The following ZNF831 variants were observed in gnomAD, a reference collection of about 807,000 sequenced individuals.
ZNF831 encodes chromosome 20 open reading frame 174.
ZNF831 carries 59 observed loss-of-function variants against 95.8 expected under a neutral mutation model. The ratio of observed to expected loss-of-function variants is 0.62; its 90% CI spans 0.50 to 0.77. The LOEUF is 0.77. Ranked by LOEUF, ZNF831 falls within the 30% of genes least tolerant of loss-of-function variation. The probability of loss-of-function intolerance (pLI) is 0.00; values close to 1 mark genes in which losing one functional copy is unlikely to be tolerated. For missense variants in ZNF831, 2,205 were observed against 2,164.0 expected, an observed-to-expected ratio of 1.02 and a Z score of -0.38; for synonymous variants, 961 against 925.5, an observed-to-expected ratio of 1.04 and a Z score of -0.70.
chr20:59,252,849 C>A, intron 4 of ZNF831, 129 bp from the exon 5 acceptor site: 1 of 929,622 alleles, frequency 1.1e-6, no homozygotes, highest in Non-Finnish European at 1.5e-6. Flanking sequence ...TGAGTTCTTG[C>A]ACACACCCTG....
At position 59,191,437 on chromosome 20, in the gene ZNF831, A is replaced by C. The variant is rs1015835013; in HGVS notation, c.418A>C (p.Asn140His). 5.0e-6 allele frequency: 8 copies of C among 1,612,822 alleles called. No individual in the cohort carries two copies. Among genetic ancestry groups the C allele is most frequent in the Middle Eastern group, 1.7e-4 (1 of 6,058 alleles). ...GCTGGGCAGCCCAGGCAAGGTGCGGAATGCGGGCAAGTACCTGTGTCCGCA... is the reference window on the plus strand; with the variant it reads ...GCTGGGCAGCCCAGGCAAGGTGCGGCATGCGGGCAAGTACCTGTGTCCGCA... ...PTLGSPGKVR[N>H]AGKYLCPHCG... The change falls in exon 2 of 6, where the codon AAT (asparagine) becomes CAT (histidine). Residue 140 changes from asparagine to histidine, a missense_variant. By Grantham distance (68) the Asn-to-His change is moderately conservative (BLOSUM62 1). Transcript: ENST00000371030.
intron 4 of ZNF831, among the ~76,000 whole-genome samples, chr20:59,244,180 G>GAAA (rs11416993): frequency 1.3e-5 from 2 of 151,364 alleles, no homozygotes; most frequent in Non-Finnish European, 2.9e-5. Flanking sequence ...TGGTTTCTGG[G>GAAA]AAAAAAAACA....
Position 59,142,728 on chromosome 20 carries a change from A to G in ZNF831, c.-1424-3503A>G, listed in dbSNP as rs112587346. 4.3e-4 allele frequency among the ~76,000 whole-genome samples: 66 copies of G among 152,260 alleles called. 1 individual carries two copies. The highest frequency in any genetic ancestry group is 1.6e-3 in the African/African-American group (65 of 41,552). On this transcript the variant is annotated intron_variant, in intron 1 of 7. Transcript: ENST00000637017. ...AATTTCATAGTGCTTTTCTGTTTTC[A>G]TTATGGTTTTTGACAGTAATTTGCC...
At chr20:59,187,103 A>C (rs1983111304) in intron 1 of ZNF831, among the ~76,000 whole-genome samples, 1 of 152,158 alleles carries the variant, frequency 6.6e-6, no homozygotes, top group Non-Finnish European at 1.5e-5. Flanking sequence ...TTCCCACCAC[A>C]CCAGCACATC....
At chr20:59,225,990 G>T (rs1360466186) in intron 4 of ZNF831, among the ~76,000 whole-genome samples, 1 of 152,162 alleles carries the variant, frequency 6.6e-6, no homozygotes, top group Non-Finnish European at 1.5e-5. Context: ...GTTCCTTTGG[G>T]TTGCCTTCAT....
intron 4 of ZNF831, among the ~76,000 whole-genome samples, chr20:59,218,595 G>GT (rs200006323): frequency 0.057 from 8,322 of 145,046 alleles, 748 homozygotes; most frequent in African/African-American, 0.19. Flanking sequence ...TAGCGTGACT[G>GT]TTTTTTTTTT....
chr20:59,187,564 A>T, intron 1 of ZNF831, among the ~76,000 whole-genome samples: 1 of 152,202 alleles, frequency 6.6e-6, no homozygotes, highest in South Asian at 2.1e-4. Context: ...AAGTACTTTT[A>T]AAAAATTGAG....
chr20:59,191,833 G>C lies in ZNF831; in HGVS notation c.814G>C (p.Ala272Pro), dbSNP rs2146554724. The stretch of plus-strand genomic sequence containing the variant: ...CGAAGCTGCTCCCTGTCCAGGGTCC[G>C]CATTTGCCGACAGAGAGGCTCCTTG... ...RTEAAPCPGSAFADREAPWDS... is the reference protein window; with the variant it reads ...RTEAAPCPGSPFADREAPWDS... Residue 272 changes from alanine (A) to proline (P), a missense_variant, in exon 2 of 6, where the codon GCA (alanine) becomes CCA (proline). Ala to Pro is a conservative substitution (Grantham distance 27). Coordinates refer to ENST00000371030, the MANE Select transcript of ZNF831 (RefSeq NM_178457.3). 6.2e-7 allele frequency: 1 copy of C among 1,613,446 alleles called. No individual in the cohort carries two copies. Among genetic ancestry groups the C allele is most frequent in the Non-Finnish European group, 8.5e-7 (1 of 1,179,970 alleles).
chr20:59,194,083 T>G lies in ZNF831; in HGVS notation c.3064T>G (p.Leu1022Val), dbSNP rs746955063. 1 of 1,540,046 alleles carries G rather than the reference T, an allele frequency of 6.5e-7. No homozygotes were observed. The highest frequency in any genetic ancestry group is 8.7e-7 in the Non-Finnish European group (1 of 1,143,538). The change falls in exon 2 of 6, where the codon TTG becomes GTG. Residue 1022 changes from leucine to valine, a missense_variant. Transcript: ENST00000371030. ...ACAGGATGGGAGAAAAGGGGCACAG[T>G]TGGGGGGGGACAAGGGGGACAGGAT... ...RPQDGRKGAQ[L>V]GGDKGDRMAT...
chr20:59,214,081 C>T (rs899640080), intron 4 of ZNF831, among the ~76,000 whole-genome samples: 12 of 152,130 alleles, frequency 7.9e-5, no homozygotes, highest in African/African-American at 2.9e-4. Flanking sequence ...AATTCTCGTG[C>T]ACAATATGCG....
intron 2 of ZNF831, among the ~76,000 whole-genome samples, chr20:59,155,834 A>G (rs1568729275): frequency 1.3e-5 from 2 of 152,266 alleles, no homozygotes; most frequent in East Asian, 1.9e-4. Flanking sequence ...CTCTGGGAAG[A>G]CTTCATCTTC....
chr20:59,216,946 T>TA (rs11309699), intron 4 of ZNF831, among the ~76,000 whole-genome samples: 3,152 of 145,684 alleles, frequency 0.022, 52 homozygotes, highest in Non-Finnish European at 0.026. Context: ...CTTTTGTTCT[T>TA]AAAAAAAAAA....
At position 59,251,122 on chromosome 20, in the gene ZNF831, C is replaced by A. The variant is rs371320325; in HGVS notation, c.4028-1856C>A. Among the ~76,000 whole-genome samples the A allele has an allele frequency of 2.0e-5, 3 of 152,044 alleles. No homozygotes were observed. The East Asian group carries it at 5.8e-4, about 29-fold the overall frequency. On this transcript the variant is annotated intron_variant, in intron 4 of 5. Transcript: ENST00000371030. Reference sequence around the variant, plus strand: ...GTTATTAATAATCTAATTTAGCCAACCTACAATGTGTGTATATTTCAAAAC... The same window carrying A: ...GTTATTAATAATCTAATTTAGCCAAACTACAATGTGTGTATATTTCAAAAC...
intron 4 of ZNF831, among the ~76,000 whole-genome samples, chr20:59,214,401 C>A (rs1163295688): frequency 6.6e-6 from 1 of 152,166 alleles, no homozygotes; most frequent in Non-Finnish European, 1.5e-5. Flanking sequence ...GACTGTGCTG[C>A]CGTTTCATTT....
intron 1 of ZNF831, among the ~76,000 whole-genome samples, chr20:59,127,628 T>C (rs540875648): frequency 6.6e-6 from 1 of 152,194 alleles, no homozygotes; most frequent in Non-Finnish European, 1.5e-5. Context: ...TACTCAAAGG[T>C]CTCCTACTTT....
intron 2 of ZNF831, among the ~76,000 whole-genome samples, chr20:59,194,995 T>C (rs1259064867): frequency 6.6e-6 from 1 of 152,232 alleles, no homozygotes; most frequent in Non-Finnish European, 1.5e-5. Flanking sequence ...ATTACTGTAC[T>C]CAAGACATGA....
upstream of ZNF831, among the ~76,000 whole-genome samples, chr20:59,161,236 C>G (rs1230605948): frequency 1.3e-5 from 2 of 152,096 alleles, no homozygotes; most frequent in East Asian, 3.9e-4. Context: ...TCAACACCCC[C>G]AAAGAAACCC....
intron 4 of ZNF831, among the ~76,000 whole-genome samples, chr20:59,211,179 C>T (rs1985306514): frequency 6.6e-6 from 1 of 152,230 alleles, no homozygotes. Flanking sequence ...CACCCCATCC[C>T]CTTACATAGG....
At chr20:59,139,315 T>TA (rs1023827845) in intron 1 of ZNF831, among the ~76,000 whole-genome samples, 19 of 152,216 alleles carry the variant, frequency 1.2e-4, no homozygotes, top group African/African-American at 4.6e-4. Flanking sequence ...TATCTATAAA[T>TA]ACAGTCCACT....
Sources: gnomAD v4.1 joint callset for allele counts (sites outside exome capture counted in the v4.1 genomes callset) on GRCh38, gnomAD v4.1.1 for gene constraint, MANE v1.5 for transcripts, NCBI Gene and HGNC (gene_info 2026-07-23, HGNC 2026-07-21) for gene names.